The following FBXL13 variants were observed in gnomAD, a reference collection of about 807,000 sequenced individuals.
FBXL13 encodes the protein F-box and leucine-rich repeat protein 13.
A neutral mutation model predicts 83.6 loss-of-function variants in FBXL13; 67 were observed. The ratio of observed to expected loss-of-function variants is 0.80; its 90% CI spans 0.66 to 0.98. The LOEUF is 0.98. Ranked by LOEUF, FBXL13 falls within the 50% of genes least tolerant of loss-of-function variation. FBXL13 has a pLI of 0.00. For synonymous variants in FBXL13, 272 were observed against 299.5 expected, an observed-to-expected ratio of 0.91 and a Z score of 0.95; for missense variants, 822 against 866.5, an observed-to-expected ratio of 0.95 and a Z score of 0.64.
At chr7:102,973,270 C>T (rs1826959617) in intron 6 of FBXL13, 1 of 439,590 alleles carries the variant, frequency 2.3e-6, no homozygotes, top group Non-Finnish European at 4.1e-6. Flanking sequence ...TCTTCTCAGG[C>T]CCAGTCCCAA....
At chr7:102,900,651 C>T (rs1307772801) in intron 11 of FBXL13, among the ~76,000 whole-genome samples, 1 of 152,102 alleles carries the variant, frequency 6.6e-6, no homozygotes, top group Non-Finnish European at 1.5e-5. Flanking sequence ...CAAACTTCAC[C>T]GGTTCTTCAT....
intron 6 of FBXL13, chr7:102,976,032 C>T (rs1827388038): frequency 1.3e-6 from 1 of 766,316 alleles, no homozygotes; most frequent in Admixed American, 1.7e-5. Context: ...GAGGCCATGC[C>T]CCCTCTGCGG....
At chr7:102,935,809 G>C (rs1426373389) in intron 8 of FBXL13, among the ~76,000 whole-genome samples, 2 of 152,136 alleles carry the variant, frequency 1.3e-5, no homozygotes, top group Non-Finnish European at 2.9e-5. Context: ...ATTAAGTGAG[G>C]TTCATATAGA....
At chr7:102,991,341 G>A (rs1829539671) in intron 6 of FBXL13, among the ~76,000 whole-genome samples, 1 of 152,180 alleles carries the variant, frequency 6.6e-6, no homozygotes, top group Non-Finnish European at 1.5e-5. Context: ...GATGAGTTCT[G>A]TTTTGGTAAT....
chr7:102,889,795 G>A (rs979293398), intron 11 of FBXL13, among the ~76,000 whole-genome samples: 2 of 152,040 alleles, frequency 1.3e-5, no homozygotes, highest in Non-Finnish European at 2.9e-5. Context: ...CCAGACCTTA[G>A]TTCATAACCC....
chr7:102,975,695 G>A (rs181387187), intron 6 of FBXL13, among the ~76,000 whole-genome samples: 3 of 152,146 alleles, frequency 2.0e-5, no homozygotes, highest in Non-Finnish European at 4.4e-5. Context: ...AGTCCAGAAG[G>A]AACCGATATT....
At chr7:103,074,622 G>T, upstream of FBXL13, 3 of 1,257,810 alleles carry the variant, frequency 2.4e-6, no homozygotes, top group Non-Finnish European at 2.1e-6. Flanking sequence ...CCTCCTCCGG[G>T]AAGTCTTTCC....
At chr7:103,017,798 CA>C (rs1792556766) in intron 6 of FBXL13, among the ~76,000 whole-genome samples, 1 of 151,966 alleles carries the variant, frequency 6.6e-6, no homozygotes, top group Non-Finnish European at 1.5e-5. Context: ...AAGAAATGAA[CA>C]AAGCCTCCAA....
At chr7:103,034,231 G>A (rs899902075) in intron 2 of FBXL13, among the ~76,000 whole-genome samples, 1 of 152,200 alleles carries the variant, frequency 6.6e-6, no homozygotes, top group Non-Finnish European at 1.5e-5. Context: ...CCAGTCCTGT[G>A]CCGTGTGCCC....
chr7:103,013,349 C>T (rs1459710018), intron 6 of FBXL13, among the ~76,000 whole-genome samples: 2 of 152,190 alleles, frequency 1.3e-5, no homozygotes, highest in African/African-American at 4.8e-5. Flanking sequence ...CACATCTGCA[C>T]ATGGCCCATA....
chr7:103,039,630 G>C (rs116070866), intron 2 of FBXL13, among the ~76,000 whole-genome samples: 1 of 152,036 alleles, frequency 6.6e-6, no homozygotes, highest in African/African-American at 2.4e-5. Flanking sequence ...GGGATCTCTC[G>C]GCGGAAACCT....
chr7:102,996,249 C>T (rs543658881), intron 6 of FBXL13, among the ~76,000 whole-genome samples: 1 of 152,260 alleles, frequency 6.6e-6, no homozygotes, highest in African/African-American at 2.4e-5. Context: ...GGCCCTGGAT[C>T]CCATTATGAA....
chr7:103,052,885 T>C (rs372222164), intron 2 of FBXL13, among the ~76,000 whole-genome samples: 86 of 151,930 alleles, frequency 5.7e-4, no homozygotes, highest in African/African-American at 1.9e-3. Flanking sequence ...CCCTCCCAAG[T>C]AGCTGGGATT....
At chr7:103,050,720 C>T (rs777371436) in intron 2 of FBXL13, among the ~76,000 whole-genome samples, 3 of 152,184 alleles carry the variant, frequency 2.0e-5, no homozygotes, top group South Asian at 2.1e-4. Context: ...AAAATTCAGG[C>T]GGCCACTTGT....
intron 4 of FBXL13, 47 bp downstream of exon 5, chr7:103,028,553 T>C: frequency 1.5e-6 from 2 of 1,367,838 alleles, no homozygotes; most frequent in Non-Finnish European, 1.9e-6. Context: ...TTTTTATTAT[T>C]TCAATAAATG....
At chr7:103,004,525 T>C (rs150244328) in intron 6 of FBXL13, among the ~76,000 whole-genome samples, 14 of 152,306 alleles carry the variant, frequency 9.2e-5, no homozygotes, top group Non-Finnish European at 1.9e-4. Context: ...GCTCTTTGTC[T>C]CTAACTGCTC....
intron 8 of FBXL13, among the ~76,000 whole-genome samples, chr7:102,956,243 A>G (rs1191650101): frequency 6.6e-6 from 1 of 152,208 alleles, no homozygotes; most frequent in African/African-American, 2.4e-5. Context: ...GCAAATCAAT[A>G]AACGTAATCT....
chr7:103,074,298 T>A, exon 1 of FBXL13: 10 of 1,019,048 alleles, frequency 9.8e-6, no homozygotes, highest in Non-Finnish European at 1.2e-5. Context: ...ACTCCCTACT[T>A]CTGACAACAT....
intron 8 of FBXL13, among the ~76,000 whole-genome samples, chr7:102,943,276 C>T (rs896101426): frequency 5.3e-5 from 8 of 151,102 alleles, no homozygotes; most frequent in Admixed American, 2.0e-4. Context: ...GTCTTACATG[C>T]GAAATATTTT....
Sources: allele counts gnomAD v4.1 joint callset (sites outside exome capture counted in the v4.1 genomes callset), GRCh38; gene constraint gnomAD v4.1.1; transcripts MANE v1.5; gene names NCBI Gene and HGNC (gene_info 2026-07-23, HGNC 2026-07-21).